The following ZFP1 variants were observed in gnomAD, a reference collection of about 807,000 sequenced individuals.
The protein encoded by ZFP1 is ZFP1 zinc finger protein.
Under a neutral mutation model 38.5 loss-of-function variants are expected in ZFP1, and 32 were observed. The ratio of observed to expected loss-of-function variants is 0.83; its 90% confidence interval spans 0.63 to 1.12. The LOEUF (loss-of-function observed/expected upper bound fraction) is 1.12. Ranked by LOEUF, ZFP1 falls within the 50% of genes most tolerant of loss-of-function variation. ZFP1 has a pLI of 0.00. For synonymous variants in ZFP1, 245 were observed against 168.8 expected (o/e 1.45, Z -3.50); for missense variants, 616 against 480.8 (o/e 1.28, Z -2.63).
intron 1 of ZFP1, among the ~76,000 whole-genome samples, chr16:75,152,656 G>T (rs1274821826): frequency 1.3e-5 from 2 of 152,206 alleles, no homozygotes; most frequent in Non-Finnish European, 2.9e-5. Flanking sequence ...GCAGTTGAGG[G>T]TTCTGTTGAT....
In ZFP1 at chr16:75,169,161, C is replaced by G. The variant is rs1353251207; in HGVS notation, c.143-92C>G. On this transcript the variant is annotated intron_variant, in intron 3 of 3. Transcript: ENST00000570010. ...CTGGGTCCCAAACTAAAGAGTCAGC[C>G]CTGTGATAGAACACGTGTGAAGACT... 21 of 1,442,408 alleles carry G rather than the reference C, an allele frequency of 1.5e-5. 1 individual carries two copies. The highest frequency in any genetic ancestry group is 1.9e-5 in the Non-Finnish European group (21 of 1,087,154). 89.4% of individuals were successfully genotyped at this position (1,442,408 alleles called of 1,614,324 possible).
Position 75,169,702 on chromosome 16 carries a change from C to G in ZFP1, c.592C>G (p.Leu198Val). Residue 198 changes from leucine to valine, a missense_variant, in exon 4 of 4, where the codon CTC (leucine) becomes GTC (valine). Coordinates refer to ENST00000570010, the MANE Select transcript of ZFP1 (RefSeq NM_153688.4). ...TGACAAGGCTTTCTCCTTTAAGTCACTCCTCATTAGTCATAAGAGAATACA... is the reference window on the plus strand; with the variant it reads ...TGACAAGGCTTTCTCCTTTAAGTCAGTCCTCATTAGTCATAAGAGAATACA... ...YCDKAFSFKS[L>V]LISHKRIHTG... 6.2e-7 allele frequency: 1 copy of G among 1,612,520 alleles called. No homozygotes were observed. The highest frequency in any genetic ancestry group is 8.5e-7 in the Non-Finnish European group (1 of 1,179,384).
chr16:75,129,376 G>T, the ZFP1 span, among the ~76,000 whole-genome samples: 1 of 152,288 alleles, frequency 6.6e-6, no homozygotes, highest in South Asian at 2.1e-4. Context: ...AAAAGAAAAA[G>T]GGGGAATGTG....
chr16:75,140,212 G>T, the ZFP1 span, among the ~76,000 whole-genome samples: 1 of 151,832 alleles, frequency 6.6e-6, no homozygotes, highest in Non-Finnish European at 1.5e-5. Context: ...ACGTTGCGGT[G>T]AGCTGAGATC....
chr16:75,155,161 C>T (rs535384363), intron 2 of ZFP1, among the ~76,000 whole-genome samples: 20 of 152,256 alleles, frequency 1.3e-4, no homozygotes, highest in Non-Finnish European at 2.2e-4. Context: ...GACAGGGTCT[C>T]GCTCTGTCAC....
chr16:75,136,299 A>T, the ZFP1 span, among the ~76,000 whole-genome samples: 29 of 152,230 alleles, frequency 1.9e-4, no homozygotes, highest in Admixed American at 1.3e-4. Context: ...AAGTAAAGGC[A>T]AAAGGAACTA....
chr16:75,139,538 A>G, the ZFP1 span, among the ~76,000 whole-genome samples: 3 of 151,984 alleles, frequency 2.0e-5, no homozygotes, highest in Non-Finnish European at 2.9e-5. Flanking sequence ...CCAAAAATAA[A>G]CAAATAAGTT....
At chr16:75,158,726 C>CT (rs1185304683) in intron 2 of ZFP1, among the ~76,000 whole-genome samples, 5 of 146,908 alleles carry the variant, frequency 3.4e-5, no homozygotes, top group East Asian at 2.0e-4. Context: ...TCCCTTTTAT[C>CT]TTTTTTTTAA....
At position 75,169,727 on chromosome 16, in the gene ZFP1, A is replaced by G. The variant is rs2038317865; in HGVS notation, c.617A>G (p.His206Arg). ...CTCCTCATTAGTCATAAGAGAATAC[A>G]TACTGGAGAAAAGCCATATGAATGC... The part of the protein sequence containing the change: ...KSLLISHKRI[H>R]TGEKPYECNV... The change falls in exon 4 of 4, where the codon CAT (histidine) becomes CGT (arginine). Residue 206 changes from histidine (H) to arginine (R), a missense_variant. His to Arg is a conservative substitution (Grantham distance 29). Transcript: ENST00000570010. The G allele has an allele frequency of 6.2e-7, 1 of 1,613,238 alleles. No homozygotes were observed. The highest frequency in any genetic ancestry group is 1.3e-5 in the African/African-American group (1 of 74,874).
chr16:75,122,354 A>T, the ZFP1 span, among the ~76,000 whole-genome samples: 1 of 152,356 alleles, frequency 6.6e-6, no homozygotes, highest in East Asian at 1.9e-4. Flanking sequence ...GTTACAGAAC[A>T]GTTGGCTCAG....
At chr16:75,136,234 G>C in the ZFP1 span, among the ~76,000 whole-genome samples, 1 of 152,156 alleles carries the variant, frequency 6.6e-6, no homozygotes, top group South Asian at 2.1e-4. Flanking sequence ...CACTGAAGAG[G>C]GTTGGGGAAA....
At chr16:75,166,535 G>A in intron 2 of ZFP1, 1 of 985,138 alleles carries the variant, frequency 1.0e-6, no homozygotes, top group Non-Finnish European at 1.2e-6. Context: ...GGCCAATAGT[G>A]TTTTATTAAT....
chr16:75,138,314 C>T, the ZFP1 span, among the ~76,000 whole-genome samples: 13 of 152,148 alleles, frequency 8.5e-5, no homozygotes, highest in Admixed American at 8.5e-4. Context: ...AGATTACAGG[C>T]GTGAGCCACC....
the ZFP1 span, among the ~76,000 whole-genome samples, chr16:75,134,730 A>C: frequency 6.9e-6 from 1 of 144,344 alleles, no homozygotes; most frequent in Admixed American, 6.9e-5. Flanking sequence ...CAGCCTGGGC[A>C]ACACAGCAAG....
At chr16:75,164,798 A>G (rs1221929155) in intron 2 of ZFP1, among the ~76,000 whole-genome samples, 4 of 111,720 alleles carry the variant, frequency 3.6e-5, no homozygotes, top group African/African-American at 1.4e-4. Context: ...CTCAGATTTT[A>G]GTTTCCATAA....
At chr16:75,159,693 A>G (rs1453458913) in intron 2 of ZFP1, among the ~76,000 whole-genome samples, 3 of 152,084 alleles carry the variant, frequency 2.0e-5, no homozygotes, top group African/African-American at 2.4e-5. Flanking sequence ...GTCATGAGCC[A>G]CTATACCTGG....
the ZFP1 span, among the ~76,000 whole-genome samples, chr16:75,139,365 T>A: frequency 6.7e-5 from 3 of 44,874 alleles, no homozygotes; most frequent in Admixed American, 1.3e-3. Context: ...CGAGACTCCA[T>A]CTCAAAAAAA....
At chr16:75,133,829 A>G in the ZFP1 span, among the ~76,000 whole-genome samples, 1 of 152,138 alleles carries the variant, frequency 6.6e-6, no homozygotes, top group Non-Finnish European at 1.5e-5. Context: ...CGGGTGGATC[A>G]CTTGAGGCCA....
intron 1 of ZFP1, among the ~76,000 whole-genome samples, chr16:75,150,598 A>G (rs1423276983): frequency 6.6e-6 from 1 of 152,022 alleles, no homozygotes; most frequent in African/African-American, 2.4e-5. Flanking sequence ...ATTATTTTAA[A>G]TTTGTTGTGG....
Sources: allele counts gnomAD v4.1 joint callset (sites outside exome capture counted in the v4.1 genomes callset), GRCh38; gene constraint gnomAD v4.1.1; transcripts MANE v1.5; gene names NCBI Gene and HGNC (gene_info 2026-07-23, HGNC 2026-07-21).